Variants in ESPNL observed in about 807,000 individuals in gnomAD.
ESPNL encodes the protein espin like, also known as espin-like protein.
Under a neutral mutation model 46.8 loss-of-function variants are expected in ESPNL, and 49 were observed. The ratio of observed to expected loss-of-function variants is 1.05; its 90% CI spans 0.83 to 1.33. ESPNL has a LOEUF of 1.33. Among genes scored for constraint, ESPNL ranks in the 40% most tolerant of loss-of-function variants. The pLI is 0.00. For synonymous variants in ESPNL, 664 were observed against 662.1 expected, an observed-to-expected ratio of 1.00 and a Z score of -0.04; for missense variants, 1,540 against 1,436.6, an observed-to-expected ratio of 1.07 and a Z score of -1.16.
intron 5 of ESPNL, among the ~76,000 whole-genome samples, chr2:238,121,875 C>T (rs1228427478): frequency 6.6e-6 from 1 of 152,212 alleles, no homozygotes; most frequent in Non-Finnish European, 1.5e-5. Flanking sequence ...TTCCTGGGCA[C>T]TCTCCTCCCG....
At position 238,107,949 on chromosome 2, in the gene ESPNL, C is replaced by T. The variant is rs766346895; in HGVS notation, c.831C>T (p.Asp277=). The change falls in exon 4 of 9, where the codon GAC becomes GAT. Residue 277 remains aspartate (D), a synonymous_variant. Transcript: ENST00000343063. ...CCTGGGGTGGGACCCCCCTCCACGA[C>T]GCAGCAGAGAACGGGCAGATGGAGG... is the stretch of plus-strand genomic sequence containing the variant. The part of the protein sequence containing the change: ...RDSWGGTPLH[D]AAENGQMECC... 4.5e-5 allele frequency: 73 copies of T among 1,612,646 alleles called. No individual in the cohort carries two copies. Among genetic ancestry groups the T allele is most frequent in the Non-Finnish European group, 5.8e-5 (68 of 1,179,642 alleles).
intron 8 of ESPNL, chr2:238,129,270 G>A: frequency 2.6e-6 from 3 of 1,141,578 alleles, no homozygotes; most frequent in South Asian, 3.0e-5. Context: ...CCACTGCTGT[G>A]GAGAAAGCAA....
Position 238,104,817 on chromosome 2 carries a change from G to T in ESPNL, c.647G>T (p.Gly216Val). The T allele has an allele frequency of 6.5e-7, 1 of 1,546,812 alleles. No individual in the cohort carries two copies. The highest frequency in any genetic ancestry group is 8.7e-7 in the Non-Finnish European group (1 of 1,147,768). The stretch of plus-strand genomic sequence containing the variant: ...GCCCTGCACGCTGCCGCCGCCCGTG[G>T]CCACTACTCCCTCGTCGTCTGGCTG... ...MSALHAAAAR[G>V]HYSLVVWLVT... Residue 216 changes from glycine (G) to valine (V), a missense_variant, in exon 3 of 9, where the codon GGC (glycine) becomes GTC (valine). Gly to Val is a moderately radical substitution (Grantham distance 109). Transcript: ENST00000343063.
intron 4 of ESPNL, among the ~76,000 whole-genome samples, chr2:238,111,661 C>T (rs1200481531): frequency 6.6e-6 from 1 of 152,190 alleles, no homozygotes; most frequent in Non-Finnish European, 1.5e-5. Flanking sequence ...GTATATACCA[C>T]ATTTTCTTTC....
At chr2:238,108,277 C>T (rs1431654351) in intron 4 of ESPNL, among the ~76,000 whole-genome samples, 1 of 152,248 alleles carries the variant, frequency 6.6e-6, no homozygotes, top group Non-Finnish European at 1.5e-5. Flanking sequence ...TGGGGCGGAC[C>T]CTCTGCTGTG....
chr2:238,108,948 A>T (rs1691660134), intron 4 of ESPNL, among the ~76,000 whole-genome samples: 1 of 152,092 alleles, frequency 6.6e-6, no homozygotes. Flanking sequence ...CCCTCCCGGC[A>T]GCGCTGCTGA....
intron 7 of ESPNL, 43 bp downstream of exon 7, chr2:238,127,777 G>T: frequency 6.8e-7 from 1 of 1,479,044 alleles, no homozygotes; most frequent in South Asian, 1.2e-5. Context: ...GGGGCCCCTA[G>T]CCAGCCTCCA....
chr2:238,129,317 G>A (rs959935057), intron 8 of ESPNL: 26 of 980,436 alleles, frequency 2.7e-5, no homozygotes, highest in East Asian at 2.0e-4. Context: ...GTGCTTAGGG[G>A]GCCCCCTCTG....
intron 2 of ESPNL, among the ~76,000 whole-genome samples, chr2:238,102,579 C>T (rs1574725501): frequency 6.6e-6 from 1 of 152,138 alleles, no homozygotes; most frequent in East Asian, 1.9e-4. Flanking sequence ...TCTGCACTGC[C>T]CCACCCCTGT....
Position 238,131,507 on chromosome 2 carries a change from G to T in ESPNL, c.2793G>T (p.Gln931His). 1 of 1,611,728 alleles carries T rather than the reference G, an allele frequency of 6.2e-7. No homozygotes were observed. Among genetic ancestry groups the T allele is most frequent in the Non-Finnish European group, 8.5e-7 (1 of 1,179,454 alleles). The change falls in exon 9 of 9, where the codon CAG becomes CAT. Residue 931 changes from glutamine to histidine, a missense_variant. Gln to His is a conservative substitution (Grantham distance 24, BLOSUM62 0). Coordinates refer to ENST00000343063, the MANE Select transcript of ESPNL (RefSeq NM_194312.4). ...AAGCCCGCTTCTTTGGCTCCAGCCAGCGTCCCGCCTGGGATACGGAGCCTG... is the reference window on the plus strand; with the variant it reads ...AAGCCCGCTTCTTTGGCTCCAGCCATCGTCCCGCCTGGGATACGGAGCCTG... The part of the protein sequence containing the change: ...DIKARFFGSS[Q>H]RPAWDTEPGR...
intron 8 of ESPNL, 94 bp downstream of exon 8, chr2:238,128,998 A>G: frequency 6.9e-7 from 1 of 1,458,804 alleles, no homozygotes; most frequent in Non-Finnish European, 9.0e-7. Flanking sequence ...CCCAGAACTG[A>G]ATCCAAGACC....
chr2:238,130,140 A>G lies in ESPNL; in HGVS notation c.1426A>G (p.Ser476Gly), dbSNP rs200935476. ...SSAEAQDNGGSSGPTEQAAWR... is the reference protein window; with the variant it reads ...SSAEAQDNGGGSGPTEQAAWR... ...TTCCTGTGCCCAGGACAATGGTGGG[A>G]GCTCAGGCCCCACGGAGCAGGCGGC... Residue 476 changes from serine (S) to glycine (G), a missense_variant, in exon 9 of 9, where the codon AGC becomes GGC. Transcript: ENST00000343063. The G allele has an allele frequency of 5.6e-6, 9 of 1,609,768 alleles. No individual in the cohort carries two copies. The South Asian group carries it at 9.9e-5, about 18-fold the overall frequency.
chr2:238,126,224 G>GTGTGTGTA (rs777975942), intron 6 of ESPNL, among the ~76,000 whole-genome samples: 1 of 46,500 alleles, frequency 2.2e-5, no homozygotes, highest in African/African-American at 2.4e-4. Context: ...GATTGTGTCT[G>GTGTGTGTA]TGTCTGTATT....
At chr2:238,106,792 G>A (rs1691608667) in intron 3 of ESPNL, among the ~76,000 whole-genome samples, 1 of 152,236 alleles carries the variant, frequency 6.6e-6, no homozygotes, top group African/African-American at 2.4e-5. Context: ...GCCTTCCTGG[G>A]GAGAAAGCGG....
chr2:238,100,813 C>T (rs1017380164), intron 1 of ESPNL, 100 bp downstream of exon 1: 25 of 1,072,620 alleles, frequency 2.3e-5, no homozygotes, highest in Non-Finnish European at 3.1e-5. Context: ...CCCCGGGCTC[C>T]ATGGCCCTGG....
Position 238,131,407 on chromosome 2 carries a change from G to A in ESPNL, c.2693G>A (p.Arg898His), listed in dbSNP as rs780851502. The A allele has an allele frequency of 3.2e-5, 52 of 1,607,536 alleles. No individual in the cohort carries two copies. The highest frequency in any genetic ancestry group is 5.3e-5 in the African/African-American group (4 of 74,878). Residue 898 changes from arginine to histidine, a missense_variant, in exon 9 of 9, where the codon CGC becomes CAC. Coordinates refer to ENST00000343063, the MANE Select transcript of ESPNL (RefSeq NM_194312.4). The part of the protein sequence containing the change: ...HLGTHGWEAV[R>H]AFHKAVTDEV... ...GGCACCCACGGCTGGGAGGCTGTGC[G>A]CGCCTTCCACAAGGCCGTGACCGAC...
intron 5 of ESPNL, among the ~76,000 whole-genome samples, chr2:238,124,650 C>A (rs111598119): frequency 0.016 from 2,137 of 137,702 alleles, 61 homozygotes; most frequent in African/African-American, 0.055. Context: ...AGTGTACGTG[C>A]ATGTGTGCAG....
chr2:238,109,214 CAGGGG>C (rs1691666043), intron 4 of ESPNL, among the ~76,000 whole-genome samples: 1 of 152,162 alleles, frequency 6.6e-6, no homozygotes, highest in Admixed American at 6.6e-5. Flanking sequence ...GGCCCCTGGC[CAGGGG>C]TTTTTAAGCT....
Position 238,131,344 on chromosome 2 carries a change from T to A in ESPNL, c.2630T>A (p.Leu877Gln). ...ECDLPAEERK[L>Q]RHLLCFEVFE... ...GACCTGCCGGCGGAGGAGCGGAAGC[T>A]GCGCCACCTGCTGTGCTTCGAGGTC... Residue 877 changes from leucine to glutamine, a missense_variant, in exon 9 of 9, where the codon CTG (leucine) becomes CAG (glutamine). Transcript: ENST00000343063. 1 of 1,594,588 alleles carries A rather than the reference T, an allele frequency of 6.3e-7. No homozygotes were observed. Among genetic ancestry groups the A allele is most frequent in the Middle Eastern group, 1.7e-4 (1 of 6,040 alleles).
Sources: allele counts gnomAD v4.1 joint callset (sites outside exome capture counted in the v4.1 genomes callset), GRCh38; gene constraint gnomAD v4.1.1; transcripts MANE v1.5; gene names NCBI Gene and HGNC (gene_info 2026-07-23, HGNC 2026-07-21).